PCDH15: variants seen among roughly 807,000 people sequenced by gnomAD.
PCDH15 encodes protocadherin-15.
In PCDH15, 129 loss-of-function variants were observed where a neutral mutation model predicts 178.5. That is an observed-to-expected ratio of 0.72 (90% confidence interval 0.63 to 0.84). PCDH15 has a LOEUF of 0.84. PCDH15 is among the 40% of genes least tolerant of loss of function. PCDH15 has a pLI of 0.00. For synonymous variants in PCDH15, 800 were observed against 732.0 expected (o/e 1.09, Z -1.50); for missense variants, 2,230 against 2,099.9 (o/e 1.06, Z -1.21).
rs186908373 is a variant in PCDH15, at chr10:54,376,102, C to T, written c.318+2680G>A. Among the ~76,000 whole-genome samples, 1,363 of 151,186 alleles carry T rather than the reference C, an allele frequency of 9.0e-3. 25 individuals are homozygous for T. Among genetic ancestry groups the T allele is most frequent in the African/African-American group, 0.032 (1,304 of 41,382 alleles). On this transcript the variant is annotated intron_variant, in intron 4 of 37. Transcript: ENST00000644397. Reference sequence around the variant, plus strand: ...TACAGACGGGTTTTCACCGTGTTGGCCAGGCTGGTCTTGAACTCCTGACCT... The same window carrying T: ...TACAGACGGGTTTTCACCGTGTTGGTCAGGCTGGTCTTGAACTCCTGACCT...
chr10:54,759,342 CA>C (rs1186328661), intron 1 of PCDH15, among the ~76,000 whole-genome samples: 2 of 151,444 alleles, frequency 1.3e-5, no homozygotes, highest in African/African-American at 4.9e-5. Flanking sequence ...AGGAATAAAG[CA>C]AAAAACAATT....
chr10:54,283,249 G>A (rs987185376), intron 8 of PCDH15, among the ~76,000 whole-genome samples: 1 of 152,116 alleles, frequency 6.6e-6, no homozygotes, highest in Non-Finnish European at 1.5e-5. Context: ...AGTAGAAGGA[G>A]CATTTGTCAC....
intron 8 of PCDH15, among the ~76,000 whole-genome samples, chr10:54,297,070 T>C (rs1366629783): frequency 6.6e-6 from 1 of 151,858 alleles, no homozygotes; most frequent in African/African-American, 2.4e-5. Context: ...CCAGGGACTG[T>C]TGTGGGTGCT....
chr10:54,753,266 C>T (rs544209038), intron 1 of PCDH15, among the ~76,000 whole-genome samples: 2 of 152,182 alleles, frequency 1.3e-5, no homozygotes, highest in East Asian at 3.9e-4. Flanking sequence ...TCACCGAAAC[C>T]TCTGCCTCCC....
chr10:53,848,425 CA>C (rs2078122146), intron 28 of PCDH15, among the ~76,000 whole-genome samples: 1 of 151,974 alleles, frequency 6.6e-6, no homozygotes, highest in South Asian at 2.1e-4. Context: ...TTGGTACAAG[CA>C]AAAGATCTTA....
At chr10:54,984,919 C>T (rs1839326509) in intron 2 of PCDH15, among the ~76,000 whole-genome samples, 1 of 152,176 alleles carries the variant, frequency 6.6e-6, no homozygotes, top group Admixed American at 6.5e-5. Flanking sequence ...TTCTCTGTCA[C>T]ATGAAACTTT....
chr10:54,938,465 C>G (rs1408841061), intron 2 of PCDH15, among the ~76,000 whole-genome samples: 1 of 151,994 alleles, frequency 6.6e-6, no homozygotes, highest in Non-Finnish European at 1.5e-5. Context: ...GTAATATATT[C>G]TATTCTATTT....
At chr10:55,497,663 A>T (rs1840565332) in intron 2 of PCDH15, among the ~76,000 whole-genome samples, 1 of 151,918 alleles carries the variant, frequency 6.6e-6, no homozygotes, top group Admixed American at 6.6e-5. Context: ...TAGAAGATAT[A>T]AAACAGTGTT....
intron 15 of PCDH15, among the ~76,000 whole-genome samples, chr10:54,103,750 A>T (rs1254858342): frequency 6.6e-6 from 1 of 152,160 alleles, no homozygotes; most frequent in Non-Finnish European, 1.5e-5. Flanking sequence ...ATAAATTATT[A>T]TAACCTTTTT....
At chr10:54,239,432 T>TATATATATAGAGAGAGAGAGAGAGAG (rs1554853331) in intron 8 of PCDH15, among the ~76,000 whole-genome samples, 25 of 150,640 alleles carry the variant, frequency 1.7e-4, no homozygotes, top group African/African-American at 3.4e-4. Flanking sequence ...TATATATATA[T>TATATATATAGAGAGAGAGAGAGAGAG]AGAGTAAGAA....
At chr10:55,472,892 T>C (rs1839992648) in intron 2 of PCDH15, among the ~76,000 whole-genome samples, 1 of 152,208 alleles carries the variant, frequency 6.6e-6, no homozygotes, top group Non-Finnish European at 1.5e-5. Context: ...GTTTTCTTTA[T>C]TAAAAGGTAA....
intron 2 of PCDH15, among the ~76,000 whole-genome samples, chr10:54,571,103 C>T (rs1019969198): frequency 6.6e-6 from 1 of 151,994 alleles, no homozygotes; most frequent in Non-Finnish European, 1.5e-5. Context: ...AACAGACTTT[C>T]CATGTAGACA....
At chr10:54,696,169 A>C (rs2095220425) in intron 1 of PCDH15, among the ~76,000 whole-genome samples, 2 of 152,054 alleles carry the variant, frequency 1.3e-5, no homozygotes, top group Admixed American at 6.6e-5. Flanking sequence ...TTATAGGAGG[A>C]GATCAAATAA....
chr10:55,391,774 C>G (rs1408361528), intron 2 of PCDH15, among the ~76,000 whole-genome samples: 3 of 152,314 alleles, frequency 2.0e-5, no homozygotes, highest in Admixed American at 2.0e-4. Context: ...GCATGAGTCA[C>G]CACGCCCTGC....
chr10:54,260,295 AT>A (rs964358572), intron 8 of PCDH15, among the ~76,000 whole-genome samples: 1 of 149,942 alleles, frequency 6.7e-6, no homozygotes, highest in Non-Finnish European at 1.5e-5. Context: ...TAAATGTTTA[AT>A]TTTTTTTTTG....
chr10:54,316,916 C>T (rs913268817), intron 8 of PCDH15, among the ~76,000 whole-genome samples: 3 of 152,068 alleles, frequency 2.0e-5, no homozygotes, highest in Admixed American at 2.0e-4. Context: ...CCTGTGTGTC[C>T]TCTGACTTAC....
chr10:54,401,010 A>C (rs1951864477), intron 3 of PCDH15, among the ~76,000 whole-genome samples: 1 of 152,018 alleles, frequency 6.6e-6, no homozygotes, highest in Non-Finnish European at 1.5e-5. Context: ...AGTATTCAGT[A>C]ATTTTAAATG....
intron 1 of PCDH15, among the ~76,000 whole-genome samples, chr10:54,775,276 T>A (rs545186681): frequency 6.6e-6 from 1 of 152,314 alleles, no homozygotes; most frequent in South Asian, 2.1e-4. Context: ...TGACTGATGT[T>A]TTCACTGCAA....
chr10:54,501,221 A>G (rs764921842), intron 3 of PCDH15, among the ~76,000 whole-genome samples: 1 of 151,320 alleles, frequency 6.6e-6, no homozygotes, highest in African/African-American at 2.4e-5. Flanking sequence ...TATCCCAGAA[A>G]TTAAAGTATA....
Sources: allele counts gnomAD v4.1 joint callset (sites outside exome capture counted in the v4.1 genomes callset), GRCh38; gene constraint gnomAD v4.1.1; transcripts MANE v1.5; gene names NCBI Gene and HGNC (gene_info 2026-07-23, HGNC 2026-07-21).